The following ACTR3B variants were observed in gnomAD, a reference collection of about 807,000 sequenced individuals.
The protein encoded by ACTR3B is actin-related protein 3B.
ACTR3B carries 8 observed loss-of-function variants against 59.0 expected under a neutral mutation model. The observed-to-expected ratio is 0.14, with a 90% CI of 0.08 to 0.24. ACTR3B has a LOEUF of 0.24. Among genes scored for constraint, ACTR3B ranks in the 10% least tolerant of loss-of-function variants. The pLI, the probability that ACTR3B is intolerant of heterozygous loss-of-function variation, is 1.00. For missense variants in ACTR3B, 245 were observed against 552.3 expected (o/e 0.44, Z 5.58); for synonymous variants, 148 against 197.9 (o/e 0.75, Z 2.12).
intron 5 of ACTR3B, among the ~76,000 whole-genome samples, chr7:152,815,636 G>A (rs1795629741): frequency 6.6e-6 from 1 of 152,204 alleles, no homozygotes; most frequent in South Asian, 2.1e-4. Context: ...CCTGGCCTCT[G>A]CCCACTGGAA....
chr7:152,815,594 G>C (rs563624107), intron 5 of ACTR3B, among the ~76,000 whole-genome samples: 2 of 152,200 alleles, frequency 1.3e-5, no homozygotes, highest in African/African-American at 4.8e-5. Flanking sequence ...TGTGGGCGCC[G>C]CCGTGTGCAT....
rs929562385 is a variant in ACTR3B, at chr7:152,824,231, A to C, written c.858+716A>C. 1.3e-5 allele frequency among the ~76,000 whole-genome samples: 2 copies of C among 152,232 alleles called. No homozygotes were observed. Among genetic ancestry groups the C allele is most frequent in the Non-Finnish European group, 2.9e-5 (2 of 68,046 alleles). ...GTGTATATGACTATTTTGTACAGAG[A>C]AACAGCATAGAATGTGTTCCTCGCT... On this transcript the variant is annotated intron_variant, in intron 8 of 11. Coordinates refer to ENST00000256001, the MANE Select transcript of ACTR3B (RefSeq NM_020445.6). This position sits in a 1 kb window ranked among gnomAD's most constrained non-coding sequence, Gnocchi z 4.2.
intron 9 of ACTR3B, among the ~76,000 whole-genome samples, chr7:152,832,533 C>T (rs1308200666): frequency 5.3e-5 from 8 of 152,222 alleles, no homozygotes; most frequent in African/African-American, 1.4e-4. Context: ...GAACCAATAG[C>T]GGGTATCTCA....
chr7:152,784,085 C>T (rs866393396), intron 2 of ACTR3B, among the ~76,000 whole-genome samples: 20 of 149,498 alleles, frequency 1.3e-4, no homozygotes, highest in East Asian at 9.8e-4. Flanking sequence ...AGTGAAACTC[C>T]GTCTCAAAAA....
rs552413183 is a variant in ACTR3B, at chr7:152,807,806, G to A, written c.336+6075G>A. 7.5e-4 allele frequency among the ~76,000 whole-genome samples: 113 copies of A among 151,644 alleles called. 2 individuals carry two copies. The highest frequency in any genetic ancestry group is 2.5e-3 in the South Asian group (12 of 4,816). On this transcript the variant is annotated intron_variant, in intron 4 of 11. Transcript: ENST00000256001. ...CTGTTCATGCCCTGTGCTCTTTTAC[G>A]TATCGTTGTTTTATTGCTTTTCTTG...
At chr7:152,814,814 C>T (rs1284497014) in intron 5 of ACTR3B, among the ~76,000 whole-genome samples, 169 bp downstream of exon 5, 1 of 152,126 alleles carries the variant, frequency 6.6e-6, no homozygotes. Context: ...TGTCCCATGA[C>T]TTTTCTTTTT....
rs1249481137 is a variant in ACTR3B, at chr7:152,790,384, T to C, written c.100+7142T>C. Among the ~76,000 whole-genome samples, 3 of 152,254 alleles carry C rather than the reference T, an allele frequency of 2.0e-5. No homozygotes were observed. In the East Asian group the frequency reaches 5.8e-4, roughly 29 times the overall value. On this transcript the variant is annotated intron_variant, in intron 2 of 11. Coordinates refer to ENST00000256001, the MANE Select transcript of ACTR3B (RefSeq NM_020445.6). ...TCTTGTAGAGATGGGGGTCTCTCTT[T>C]GTTGCCCAGGCTGGTCTCAAACTCC...
At chr7:152,853,397 G>A (rs1369793195) in intron 10 of ACTR3B, 97 bp from the exon 11 acceptor site, 1 of 1,056,142 alleles carries the variant, frequency 9.5e-7, no homozygotes, top group East Asian at 2.6e-5. Context: ...TAAGAGGAGG[G>A]CGGCCCTGGG....
chr7:152,834,779 T>C (rs924767594), intron 9 of ACTR3B, among the ~76,000 whole-genome samples: 1 of 152,242 alleles, frequency 6.6e-6, no homozygotes, highest in African/African-American at 2.4e-5. Context: ...CTGTAACTAA[T>C]GGTGCTTTTT....
Position 152,823,365 on chromosome 7 carries a change from C to G in ACTR3B, c.708C>G (p.Pro236=), listed in dbSNP as rs771459772. The change falls in exon 8 of 12, where the codon CCC becomes CCG. Residue 236 remains proline (P), a synonymous_variant. Transcript: ENST00000256001. ...AGGAGAAATACTGTTACATTTGCCC[C>G]GATATAGTCAAGGAATTTGCCAAGT... ...AIKEKYCYIC[P]DIVKEFAKYD... 6.2e-7 allele frequency: 1 copy of G among 1,614,086 alleles called. No homozygotes were observed. Among genetic ancestry groups the G allele is most frequent in the Non-Finnish European group, 8.5e-7 (1 of 1,180,016 alleles).
intron 1 of ACTR3B, among the ~76,000 whole-genome samples, chr7:152,764,077 C>T (rs2098099807): frequency 6.6e-6 from 1 of 151,694 alleles, no homozygotes; most frequent in Admixed American, 6.6e-5. Flanking sequence ...GTGACTTCAG[C>T]TCACTACAAC....
At chr7:152,788,408 A>G (rs1371003930) in intron 2 of ACTR3B, among the ~76,000 whole-genome samples, 5 of 148,994 alleles carry the variant, frequency 3.4e-5, no homozygotes, top group South Asian at 2.1e-4. Context: ...CTAATGTTCT[A>G]AAGTTTTTTT....
At chr7:152,762,513 A>G (rs1309330760) in intron 1 of ACTR3B, among the ~76,000 whole-genome samples, 1 of 152,216 alleles carries the variant, frequency 6.6e-6, no homozygotes, top group Non-Finnish European at 1.5e-5. Flanking sequence ...GTTTGAGAGT[A>G]AGTTGCAGAG....
intron 1 of ACTR3B, among the ~76,000 whole-genome samples, chr7:152,774,393 C>G (rs1476193503): frequency 7.2e-5 from 11 of 152,260 alleles, no homozygotes; most frequent in Middle Eastern, 3.4e-3. Context: ...GCCTCGGCCT[C>G]CCGAAGTATT....
chr7:152,772,466 A>C (rs71541789), intron 1 of ACTR3B, among the ~76,000 whole-genome samples: 1 of 152,002 alleles, frequency 6.6e-6, no homozygotes, highest in African/African-American at 2.4e-5. Context: ...TCAAGGTTAC[A>C]GTGAGTTGTG....
At chr7:152,829,196 A>G (rs1675914453) in intron 9 of ACTR3B, among the ~76,000 whole-genome samples, 2 of 152,030 alleles carry the variant, frequency 1.3e-5, no homozygotes, top group African/African-American at 4.8e-5. Flanking sequence ...TCACACAGCT[A>G]CCTTTTTCAG....
At chr7:152,773,951 A>G (rs2098130350) in intron 1 of ACTR3B, among the ~76,000 whole-genome samples, 1 of 152,110 alleles carries the variant, frequency 6.6e-6, no homozygotes, top group African/African-American at 2.4e-5. Context: ...CTGGGCACCA[A>G]CGAGTTCCAG....
At chr7:152,843,781 T>G (rs796682339) in intron 9 of ACTR3B, among the ~76,000 whole-genome samples, 1 of 142,722 alleles carries the variant, frequency 7.0e-6, no homozygotes, top group Non-Finnish European at 1.5e-5. Flanking sequence ...GATTAAAGTT[T>G]TGTATTAATG....
intron 1 of ACTR3B, among the ~76,000 whole-genome samples, chr7:152,770,872 T>G (rs71541784): frequency 8.1e-6 from 1 of 123,328 alleles, no homozygotes; most frequent in African/African-American, 3.3e-5. Context: ...CATGGGACTA[T>G]GCACAGAAAA....
Sources: gnomAD v4.1 joint callset for allele counts (sites outside exome capture counted in the v4.1 genomes callset) on GRCh38, gnomAD v4.1.1 for gene constraint, Gnocchi (gnomAD v3.1) non-coding constraint, MANE v1.5 for transcripts, NCBI Gene and HGNC (gene_info 2026-07-23, HGNC 2026-07-21) for gene names.